The following SLC30A2 variants were observed in gnomAD, a reference collection of about 807,000 sequenced individuals.
SLC30A2 encodes the protein solute carrier family 30 member 2, also known as proton-coupled zinc antiporter SLC30A2.
Under a neutral mutation model 39.6 loss-of-function variants are expected in SLC30A2, and 19 were observed. That is an observed-to-expected ratio of 0.48 (90% CI 0.34 to 0.70). SLC30A2 has a LOEUF of 0.70. Among genes scored for constraint, SLC30A2 ranks in the 30% least tolerant of loss-of-function variants. The probability of loss-of-function intolerance (pLI) is 0.01; values close to 1 mark genes in which losing one functional copy is unlikely to be tolerated. For missense variants in SLC30A2, 387 were observed against 479.4 expected (o/e 0.81, Z 1.80); for synonymous variants, 195 against 194.8 (o/e 1.00, Z -0.01).
At chr1:26,040,004 T>G in intron 6 of SLC30A2, 93 bp from the exon 7 acceptor site, 1 of 1,455,926 alleles carries the variant, frequency 6.9e-7, no homozygotes, top group Non-Finnish European at 9.5e-7. Context: ...TCAGGTGTCA[T>G]CCCCTCAAAG....
At chr1:26,044,903 G>A in intron 2 of SLC30A2, 94 bp downstream of exon 2, 3 of 968,390 alleles carry the variant, frequency 3.1e-6, no homozygotes, top group Non-Finnish European at 5.0e-6. Context: ...ACTGTAGTGT[G>A]TGTTCAGTAA....
chr1:26,043,114 T>A (rs957044376), intron 4 of SLC30A2, among the ~76,000 whole-genome samples: 3 of 152,174 alleles, frequency 2.0e-5, no homozygotes, highest in Non-Finnish European at 4.4e-5. Flanking sequence ...ACTGGCCTCT[T>A]CCCGCCCCAC....
intron 5 of SLC30A2, among the ~76,000 whole-genome samples, chr1:26,042,053 G>A (rs1473008332): frequency 6.6e-6 from 1 of 152,206 alleles, no homozygotes; most frequent in African/African-American, 2.4e-5. Context: ...GACATGGACA[G>A]AGCAAAAAGG....
rs1425079165 is a variant in SLC30A2 at position 26,038,211 on chromosome 1, C to G, written c.*949G>C. On this transcript the variant is annotated 3_prime_UTR_variant, in exon 8 of 8. Coordinates refer to ENST00000374276, the MANE Select transcript of SLC30A2 (RefSeq NM_001004434.3). Reference sequence around the variant, plus strand: ...CTCGATGAGTCGGGGACAGGTTTCCCCTCTTGCATCTTGTAAACAAAAGCC... The same window carrying G: ...CTCGATGAGTCGGGGACAGGTTTCCGCTCTTGCATCTTGTAAACAAAAGCC... 6.6e-6 allele frequency: 1 copy of G among 152,224 alleles called. No individual in the cohort carries two copies. The highest frequency in any genetic ancestry group is 1.5e-5 in the Non-Finnish European group (1 of 68,062). The allele number at this position is 152,224 out of a possible 1,614,324, so 9.4% of individuals were successfully genotyped here.
rs1339051112 is a variant in SLC30A2 at position 26,038,888 on chromosome 1, T to G, written c.*272A>C. The G allele has an allele frequency of 3.7e-6, 3 of 809,942 alleles. No homozygotes were observed. Among genetic ancestry groups the G allele is most frequent in the Non-Finnish European group, 4.8e-6 (3 of 618,778 alleles). 50.2% of individuals were successfully genotyped at this position (809,942 alleles called of 1,614,324 possible). On this transcript the variant is annotated 3_prime_UTR_variant, in exon 8 of 8. Transcript: ENST00000374276. ...CCCCTGCGAGTGGTAGAACATTTGCTGAGGATTAGGCCCAAATACAGCCCT... is the reference window on the plus strand; with the variant it reads ...CCCCTGCGAGTGGTAGAACATTTGCGGAGGATTAGGCCCAAATACAGCCCT...
chr1:26,043,550 C>G lies in SLC30A2; in HGVS notation c.420G>C (p.Glu140Asp). The G allele has an allele frequency of 6.2e-7, 1 of 1,613,298 alleles. No homozygotes were observed. The highest frequency in any genetic ancestry group is 8.5e-7 in the Non-Finnish European group (1 of 1,179,640). ...GTACAGAGACCAGGGCTCCCAAGATCTCTGAGGAAGAACCCAACCCCAACA... is the reference window on the plus strand; with the variant it reads ...GTACAGAGACCAGGGCTCCCAAGATGTCTGAGGAAGAACCCAACCCCAACA... ...KTMNFGWQRA[E>D]ILGALVSVLS... is the part of the protein sequence containing the mutation. The change falls in exon 4 of 8, where the codon GAG becomes GAC. Residue 140 changes from glutamate to aspartate, a missense_variant and splice_region_variant. Glu to Asp is a conservative substitution (Grantham distance 45). Transcript: ENST00000374276.
chr1:26,041,630 A>T (rs2050398378), intron 6 of SLC30A2, 70 bp downstream of exon 6: 3 of 918,204 alleles, frequency 3.3e-6, no homozygotes, highest in Non-Finnish European at 5.4e-6. Flanking sequence ...CCAGACACAC[A>T]CATACCCTAT....
chr1:26,041,837 T>A (rs2050401610), intron 5 of SLC30A2, 32 bp from the exon 6 acceptor site: 4 of 1,318,800 alleles, frequency 3.0e-6, no homozygotes, highest in Non-Finnish European at 3.3e-6. Context: ...GACCTGGAGT[T>A]CACCATCTAA....
At chr1:26,042,485 G>A in intron 5 of SLC30A2, 64 bp downstream of exon 5, 4 of 1,429,900 alleles carry the variant, frequency 2.8e-6, no homozygotes, top group Non-Finnish European at 3.9e-6. Flanking sequence ...AACCCCGGTA[G>A]AGAGTATACT....
chr1:26,039,853 C>G lies in SLC30A2; in HGVS notation c.897G>C (p.Gly299=). Residue 299 remains glycine, a synonymous_variant, in exon 7 of 8, where the codon GGG becomes GGC. Transcript: ENST00000374276. This position sits in a 1 kb window ranked among gnomAD's most constrained non-coding sequence, Gnocchi z 4.3. The part of the protein sequence containing the change: ...AVRDLLLSVE[G]VEALHSLHIW... ...TATGCAGGCTGTGCAGGGCTTCTAC[C>G]CCCTCCACCGACAGCAGCAGATCAC... 1 of 1,614,026 alleles carries G rather than the reference C, an allele frequency of 6.2e-7. No individual in the cohort carries two copies. Among genetic ancestry groups the G allele is most frequent in the African/African-American group, 1.3e-5 (1 of 75,038 alleles).
At position 26,039,938 on chromosome 1, in the gene SLC30A2, T is replaced by C; in HGVS notation, c.839-27A>G. Reference sequence around the variant, plus strand: ...TGAGGACGGCAAGGACAGGGGAAACTAAAGGAAACTACCCCTCCCACGCCT... The same window carrying C: ...TGAGGACGGCAAGGACAGGGGAAACCAAAGGAAACTACCCCTCCCACGCCT... On this transcript the variant is annotated intron_variant, in intron 6 of 7. Coordinates refer to ENST00000374276, the MANE Select transcript of SLC30A2 (RefSeq NM_001004434.3). This position sits in a 1 kb window ranked among gnomAD's most constrained non-coding sequence, Gnocchi z 4.3. 1 of 1,613,386 alleles carries C rather than the reference T, an allele frequency of 6.2e-7. No homozygotes were observed. Among genetic ancestry groups the C allele is most frequent in the Non-Finnish European group, 8.5e-7 (1 of 1,179,732 alleles).
At chr1:26,040,917 C>CCG (rs1553143465) in intron 6 of SLC30A2, among the ~76,000 whole-genome samples, 2 of 3,792 alleles carry the variant, frequency 5.3e-4, no homozygotes, top group African/African-American at 9.2e-4. Context: ...CATAGTGAGA[C>CCG]CCCCCCCCCA....
intron 4 of SLC30A2, 132 bp from the exon 5 acceptor site, chr1:26,042,840 C>A: frequency 1.3e-6 from 1 of 771,684 alleles, no homozygotes; most frequent in Non-Finnish European, 2.1e-6. Flanking sequence ...TGTGAGAAGT[C>A]CAACCCACGT....
Position 26,045,861 on chromosome 1 carries a change from G to A in SLC30A2, c.36C>T (p.Ala12=). 1 of 1,613,322 alleles carries A rather than the reference G, an allele frequency of 6.2e-7. No homozygotes were observed. The stretch of plus-strand genomic sequence containing the variant: ...TCTCGCCTTACCGGATTGCCGGCCT[G>A]GCGTCCAACAGATGCTGCTTCTCCT... ...EAKEKQHLLD[A]RPAIRSYTGS... Residue 12 remains alanine (A), a synonymous_variant, in exon 1 of 8, where the codon GCC becomes GCT. Coordinates refer to ENST00000374276, the MANE Select transcript of SLC30A2 (RefSeq NM_001004434.3).
At position 26,039,176 on chromosome 1, in the gene SLC30A2, T is replaced by C. The variant is rs761786738; in HGVS notation, c.1103A>G (p.Gln368Arg). 1.3e-5 allele frequency: 21 copies of C among 1,613,888 alleles called. No individual in the cohort carries two copies. Among genetic ancestry groups the C allele is most frequent in the Admixed American group, 3.3e-5 (2 of 60,004 alleles). ...GCTGAGCAGTCAGTCTGAGGGGCCC[T>C]GGCATGCCTGACAGTCCTTCATGTC... ...SEDMKDCQAC[Q>R]GPSD The change falls in exon 8 of 8, where the codon CAG becomes CGG. Residue 368 changes from glutamine (Q) to arginine (R), a missense_variant. Transcript: ENST00000374276. This position sits in a 1 kb window ranked among gnomAD's most constrained non-coding sequence, Gnocchi z 4.3.
chr1:26,038,809 A>C lies in SLC30A2; in HGVS notation c.*351T>G. 4.6e-6 allele frequency: 1 copy of C among 218,164 alleles called. No homozygotes were observed. The highest frequency in any genetic ancestry group is 8.7e-6 in the Non-Finnish European group (1 of 114,452). 13.5% of individuals were successfully genotyped at this position (218,164 alleles called of 1,614,324 possible). ...GAGAATGGGGCATGAGGCAGGCAGTATGGGCGCGCTGGGGCCAGCCTCCCC... is the reference window on the plus strand; with the variant it reads ...GAGAATGGGGCATGAGGCAGGCAGTCTGGGCGCGCTGGGGCCAGCCTCCCC... On this transcript the variant is annotated 3_prime_UTR_variant, in exon 8 of 8. Transcript: ENST00000374276.
In SLC30A2 at chr1:26,039,229, C is replaced by T. The variant is rs1557560390; in HGVS notation, c.1050G>A (p.Val350=). 1 of 1,614,158 alleles carries T rather than the reference C, an allele frequency of 6.2e-7. No individual in the cohort carries two copies. Among genetic ancestry groups the T allele is most frequent in the Admixed American group, 1.7e-5 (1 of 60,018 alleles). ...RLQGKFHFHT[V]TIQIEDYSED... ...CCGAGTAGTCCTCGATCTGGATGGT[C>T]ACGGTGTGGAAGTGGAACTTCCCTT... Residue 350 remains valine, a synonymous_variant, in exon 8 of 8, where the codon GTG becomes GTA. Transcript: ENST00000374276. The surrounding 1 kb of genome is among the most constrained non-coding windows in gnomAD (Gnocchi z 4.3).
At chr1:26,043,294 G>C (rs1051238120) in intron 4 of SLC30A2, 104 bp downstream of exon 4, 1 of 1,229,234 alleles carries the variant, frequency 8.1e-7, no homozygotes, top group Non-Finnish European at 1.2e-6. Flanking sequence ...TCCCTGTAGC[G>C]TATGCTGGAA....
rs866166439 is a variant in SLC30A2 at position 26,041,578 on chromosome 1, G to A, written c.838+122C>T. 40 of 645,744 alleles carry A rather than the reference G, an allele frequency of 6.2e-5. No homozygotes were observed. The Middle Eastern group carries it at 7.7e-4, about 12-fold the overall frequency. The allele number at this position is 645,744 out of a possible 1,614,324, so 40.0% of individuals were successfully genotyped here. A position where few individuals can be genotyped will look rare whatever the true frequency, so the allele number is the denominator to read the frequency against. On this transcript the variant is annotated intron_variant, in intron 6 of 7. Transcript: ENST00000374276. ...CCCAGGAGGTTTTCCAGCCTATGCC[G>A]GGGCTCCGGATCCTGGCTCCCCGCC... is the stretch of plus-strand genomic sequence containing the variant.
Sources: allele counts gnomAD v4.1 joint callset (sites outside exome capture counted in the v4.1 genomes callset), GRCh38; gene constraint gnomAD v4.1.1; non-coding constraint Gnocchi (gnomAD v3.1); transcripts MANE v1.5; gene names NCBI Gene and HGNC (gene_info 2026-07-23, HGNC 2026-07-21).